FGF14: variants seen among roughly 807,000 people sequenced by gnomAD.
FGF14 encodes fibroblast growth factor 14, also known as fibroblast growth factor homologous factor 4.
In FGF14, 5 loss-of-function variants were observed where a neutral mutation model predicts 25.5. The observed-to-expected ratio is 0.20, with a 90% CI of 0.10 to 0.41. The LOEUF (loss-of-function observed/expected upper bound fraction) is 0.41. FGF14 is among the 10% of genes least tolerant of loss of function. FGF14 has a pLI of 1.00. For missense variants in FGF14, 222 were observed against 320.1 expected (o/e 0.69, Z 2.34); for synonymous variants, 138 against 118.3 (o/e 1.17, Z -1.08).
At chr13:102,193,740 C>G (rs1179859468) in intron 1 of FGF14, among the ~76,000 whole-genome samples, 1 of 152,080 alleles carries the variant, frequency 6.6e-6, no homozygotes, top group Non-Finnish European at 1.5e-5. Flanking sequence ...CAAAGAACAA[C>G]AATAACAAAC....
chr13:102,207,188 G>GA (rs1252904396), intron 1 of FGF14, among the ~76,000 whole-genome samples: 1 of 151,820 alleles, frequency 6.6e-6, no homozygotes, highest in African/African-American at 2.4e-5. Context: ...GCTCAGGCAG[G>GA]AAAATCGCTT....
chr13:101,939,834 C>T (rs895861069), intron 1 of FGF14, among the ~76,000 whole-genome samples: 13 of 151,564 alleles, frequency 8.6e-5, no homozygotes, highest in African/African-American at 2.2e-4. Context: ...TAAATAAAAA[C>T]GAGACAAAGA....
At chr13:101,858,783 T>A (rs1222993295) in intron 3 of FGF14, among the ~76,000 whole-genome samples, 1 of 152,140 alleles carries the variant, frequency 6.6e-6, no homozygotes, top group Non-Finnish European at 1.5e-5. Flanking sequence ...TTTTGTGTCA[T>A]TTTATGAACA....
chr13:102,252,116 A>G (rs1485409733), intron 1 of FGF14, among the ~76,000 whole-genome samples: 3 of 152,186 alleles, frequency 2.0e-5, no homozygotes, highest in Non-Finnish European at 2.9e-5. Flanking sequence ...GAAAGGCATT[A>G]TGCACATTTT....
rs931407605 is a variant in FGF14, at chr13:101,718,207, G to A, written c.*4624C>T. Reference sequence around the variant, plus strand: ...AACAGAAATATTTTTACTTATTTCTGTCCACTATGTTTGTGTGTATGTGTG... The same window carrying A: ...AACAGAAATATTTTTACTTATTTCTATCCACTATGTTTGTGTGTATGTGTG... On this transcript the variant is annotated 3_prime_UTR_variant, in exon 5 of 5. Coordinates refer to ENST00000376143, the MANE Select transcript of FGF14 (RefSeq NM_004115.4). 6.6e-6 allele frequency: 1 copy of A among 152,026 alleles called. No individual in the cohort carries two copies. Among genetic ancestry groups the A allele is most frequent in the African/African-American group, 2.4e-5 (1 of 41,410 alleles). The allele number at this position is 152,026 out of a possible 1,614,324, so 9.4% of individuals were successfully genotyped here.
intron 1 of FGF14, among the ~76,000 whole-genome samples, chr13:102,328,000 T>C (rs1223515601): frequency 7.0e-6 from 1 of 142,292 alleles, no homozygotes; most frequent in Admixed American, 6.9e-5. Flanking sequence ...ACAGAATAAA[T>C]GCTGGAATGT....
chr13:101,919,116 A>T (rs114634223), upstream of FGF14, among the ~76,000 whole-genome samples: 1,138 of 152,252 alleles, frequency 7.5e-3, 12 homozygotes, highest in African/African-American at 0.026. Context: ...GTCTATAGAG[A>T]GATGAAAATA....
chr13:102,079,006 A>G (rs1400291587), intron 1 of FGF14, among the ~76,000 whole-genome samples: 1 of 152,184 alleles, frequency 6.6e-6, no homozygotes, highest in Admixed American at 6.5e-5. Context: ...AGAAAACCCA[A>G]CAGACTTGGT....
At chr13:102,309,559 T>C (rs553745947) in intron 1 of FGF14, among the ~76,000 whole-genome samples, 1 of 152,196 alleles carries the variant, frequency 6.6e-6, no homozygotes, top group Non-Finnish European at 1.5e-5. Context: ...TGATTTCTCT[T>C]GCACAAAAGG....
At chr13:101,842,855 G>A (rs1460365777) in intron 3 of FGF14, among the ~76,000 whole-genome samples, 1 of 152,026 alleles carries the variant, frequency 6.6e-6, no homozygotes, top group Non-Finnish European at 1.5e-5. Context: ...TAACTAGGGT[G>A]ACTATATAAT....
intron 1 of FGF14, among the ~76,000 whole-genome samples, chr13:102,378,235 T>A (rs189270311): frequency 9.9e-5 from 15 of 152,188 alleles, no homozygotes; most frequent in African/African-American, 3.6e-4. Context: ...ACTCATCAGG[T>A]GTAACAAATG....
At chr13:102,319,467 G>A (rs970684649) in intron 1 of FGF14, among the ~76,000 whole-genome samples, 4 of 152,102 alleles carry the variant, frequency 2.6e-5, no homozygotes, top group Non-Finnish European at 5.9e-5. Context: ...CCCTCTCTGG[G>A]GCTTGCCCCC....
chr13:101,956,779 A>G (rs977087027), intron 1 of FGF14, among the ~76,000 whole-genome samples: 4 of 151,344 alleles, frequency 2.6e-5, no homozygotes, highest in Non-Finnish European at 5.9e-5. Context: ...AAAAAAAAAA[A>G]AAAAGAAAAA....
At chr13:102,373,699 T>G (rs1023331730) in intron 1 of FGF14, 4 of 152,182 alleles carry the variant, frequency 2.6e-5, no homozygotes, top group Non-Finnish European at 4.4e-5. Context: ...GCTTATAATT[T>G]AAACACTCTT....
Position 102,220,655 on chromosome 13 carries a change from T to G in FGF14, c.208+180816A>C, listed in dbSNP as rs1170447061. Among the ~76,000 whole-genome samples, 7 of 152,318 alleles carry G rather than the reference T, an allele frequency of 4.6e-5. No individual in the cohort carries two copies. The East Asian group carries it at 1.4e-3, about 29-fold the overall frequency. On this transcript the variant is annotated intron_variant, in intron 1 of 4. Coordinates refer to the FGF14 transcript ENST00000376131. ...TAAAATAACAGAGTTTTTCAAGGCA[T>G]TATATACATTTTTCAAAAGCACATT...
rs2057746485 is a variant in FGF14 at position 102,367,467 on chromosome 13, C to T, written c.208+34004G>A. 2.0e-5 allele frequency: 3 copies of T among 152,240 alleles called. No individual in the cohort carries two copies. The South Asian group carries it at 6.2e-4, about 32-fold the overall frequency. The allele number at this position is 152,240 out of a possible 1,614,324, so 9.4% of individuals were successfully genotyped here. ...TTATGACCTAGTCCCAGAAGTCACA[C>T]TTTGTCCCTTCTGCAATACCACACT... On this transcript the variant is annotated intron_variant, in intron 1 of 4. Transcript: ENST00000376131.
Position 102,333,528 on chromosome 13 carries a change from G to A in FGF14, c.208+67943C>T, listed in dbSNP as rs114057615. 7.1e-3 allele frequency among the ~76,000 whole-genome samples: 1,075 copies of A among 152,228 alleles called. 14 individuals carry two copies. Among genetic ancestry groups the A allele is most frequent in the African/African-American group, 0.024 (1,008 of 41,552 alleles). ...GAAGAGTCAAAACCATGGATGTTACGCAAGAAGAGGCCCCTGGGCTTTCGG... is the reference window on the plus strand; with the variant it reads ...GAAGAGTCAAAACCATGGATGTTACACAAGAAGAGGCCCCTGGGCTTTCGG... On this transcript the variant is annotated intron_variant, in intron 1 of 4. Transcript: ENST00000376131.
chr13:101,803,943 C>G (rs2041051056), intron 3 of FGF14, among the ~76,000 whole-genome samples: 1 of 151,840 alleles, frequency 6.6e-6, no homozygotes, highest in Non-Finnish European at 1.5e-5. Flanking sequence ...TATATAGAAG[C>G]TATTTGCATT....
chr13:101,711,288 C>T lies in FGF14; in HGVS notation c.*11543G>A, dbSNP rs2034455121. 6.6e-6 allele frequency: 1 copy of T among 152,224 alleles called. No individual in the cohort carries two copies. Among genetic ancestry groups the T allele is most frequent in the Non-Finnish European group, 1.5e-5 (1 of 68,050 alleles). The allele number at this position is 152,224 out of a possible 1,614,324, so 9.4% of individuals were successfully genotyped here. On this transcript the variant is annotated 3_prime_UTR_variant, in exon 5 of 5. Transcript: ENST00000376143. Reference sequence around the variant, plus strand: ...TGTTGTGTGACAATGGCTGTAAACACATGTCATTAACTGTCTCCTTAAACT... The same window carrying T: ...TGTTGTGTGACAATGGCTGTAAACATATGTCATTAACTGTCTCCTTAAACT...
Sources: allele counts gnomAD v4.1 joint callset (sites outside exome capture counted in the v4.1 genomes callset), GRCh38; gene constraint gnomAD v4.1.1; transcripts MANE v1.5; gene names NCBI Gene and HGNC (gene_info 2026-07-23, HGNC 2026-07-21).